Variants in PCDHGB1 observed in about 807,000 individuals in gnomAD.
PCDHGB1 encodes the protein protocadherin gamma-B1.
A neutral mutation model predicts 56.6 loss-of-function variants in PCDHGB1; 34 were observed. The ratio of observed to expected loss-of-function variants is 0.60; its 90% CI spans 0.46 to 0.80. The LOEUF (loss-of-function observed/expected upper bound fraction) is 0.80, where lower values mean the gene tolerates loss of function less well. Among genes scored for constraint, PCDHGB1 ranks in the 30% least tolerant of loss-of-function variants. The probability of loss-of-function intolerance (pLI) is 0.00; values close to 1 mark genes in which losing one functional copy is unlikely to be tolerated. For missense variants in PCDHGB1, 1,278 were observed against 1,204.6 expected, an observed-to-expected ratio of 1.06 and a Z score of -0.90; for synonymous variants, 561 against 505.9, an observed-to-expected ratio of 1.11 and a Z score of -1.46.
In PCDHGB1 at chr5:141,431,140, C is replaced by G. The variant is rs145692116; in HGVS notation, c.2410-63667C>G. The G allele has an allele frequency of 6.2e-7, 1 of 1,614,208 alleles. No individual in the cohort carries two copies. The highest frequency in any genetic ancestry group is 1.7e-5 in the Admixed American group (1 of 60,038). On this transcript the variant is annotated intron_variant, in intron 1 of 3. Transcript: ENST00000523390. This position sits in a 1 kb window ranked among gnomAD's most constrained non-coding sequence, Gnocchi z 4.8. The stretch of plus-strand genomic sequence containing the variant: ...TAGAAGTAGAAGTAAGGGACATTAA[C>G]GACAATGCGCCTTACTTTCGTGAAA...
chr5:141,433,767 G>T (rs1237334342), intron 1 of PCDHGB1, among the ~76,000 whole-genome samples: 1 of 151,532 alleles, frequency 6.6e-6, no homozygotes, highest in Non-Finnish European at 1.5e-5. Flanking sequence ...AACCTGGGAG[G>T]TGGAGGTTGC....
chr5:141,365,603 A>C (rs1198770505), intron 1 of PCDHGB1: 2 of 1,613,602 alleles, frequency 1.2e-6, no homozygotes, highest in Non-Finnish European at 1.7e-6. Flanking sequence ...TTTAACCGTC[A>C]TGGACCATGG....
rs762238827 is a variant in PCDHGB1 at position 141,487,202 on chromosome 5, C to T, written c.2410-7605C>T. ...CACTCATCCAGTTGTCCCAGATCTT[C>T]GAGAATCTTCAGCTCCAAGGGAAGG... On this transcript the variant is annotated intron_variant, in intron 1 of 3. Coordinates refer to ENST00000523390, the MANE Select transcript of PCDHGB1 (RefSeq NM_018922.3). This position sits in a 1 kb window ranked among gnomAD's most constrained non-coding sequence, Gnocchi z 5.0. 7 of 1,613,660 alleles carry T rather than the reference C, an allele frequency of 4.3e-6. No homozygotes were observed. The highest frequency in any genetic ancestry group is 1.7e-5 in the Admixed American group (1 of 59,992).
intron 1 of PCDHGB1, among the ~76,000 whole-genome samples, chr5:141,435,760 T>TTGGTGAATTC (rs2097778609): frequency 1.3e-5 from 2 of 152,172 alleles, no homozygotes; most frequent in African/African-American, 4.8e-5. Context: ...TTGATTTCTT[T>TTGGTGAATTC]TGGTGAATTC....
At chr5:141,427,972 C>T (rs1368719718) in intron 1 of PCDHGB1, 1 of 1,593,948 alleles carries the variant, frequency 6.3e-7, no homozygotes, top group South Asian at 1.1e-5. Flanking sequence ...GTGCTGTACC[C>T]CGCGCTGGGG....
intron 1 of PCDHGB1, chr5:141,356,448 A>G: frequency 6.2e-7 from 1 of 1,612,888 alleles, no homozygotes; most frequent in Non-Finnish European, 8.5e-7. Context: ...AAGAAGTCTC[A>G]GAATATAACA....
chr5:141,443,118 C>A (rs1474257262), intron 1 of PCDHGB1, among the ~76,000 whole-genome samples: 1 of 151,762 alleles, frequency 6.6e-6, no homozygotes, highest in Non-Finnish European at 1.5e-5. Flanking sequence ...GCTTTTCAAA[C>A]CAGATTAAGA....
At position 141,476,193 on chromosome 5, in the gene PCDHGB1, T is replaced by C. The variant is rs1224461188; in HGVS notation, c.2410-18614T>C. On this transcript the variant is annotated intron_variant, in intron 1 of 3. Coordinates refer to ENST00000523390, the MANE Select transcript of PCDHGB1 (RefSeq NM_018922.3). The surrounding 1 kb of genome is among the most constrained non-coding windows in gnomAD (Gnocchi z 7.6). The stretch of plus-strand genomic sequence containing the variant: ...GGAGTTTTGCTTCTGCTTGGTGCCT[T>C]GAACAAGGCTTCCACGGTCATTCAC... The C allele has an allele frequency of 6.2e-7, 1 of 1,613,812 alleles. No homozygotes were observed. Among genetic ancestry groups the C allele is most frequent in the South Asian group, 1.1e-5 (1 of 91,068 alleles).
At chr5:141,393,800 GA>G (rs1403705962) in intron 1 of PCDHGB1, 2 of 1,613,842 alleles carry the variant, frequency 1.2e-6, no homozygotes, top group Non-Finnish European at 1.7e-6. Flanking sequence ...CACTTCTGGG[GA>G]GGACCAAATT....
At chr5:141,435,805 T>C (rs2097780946) in intron 1 of PCDHGB1, among the ~76,000 whole-genome samples, 1 of 152,178 alleles carries the variant, frequency 6.6e-6, no homozygotes, top group African/African-American at 2.4e-5. Flanking sequence ...GTCCCAATTA[T>C]TTTTTCTTTC....
At chr5:141,492,063 C>T in intron 1 of PCDHGB1, 1 of 481,160 alleles carries the variant, frequency 2.1e-6, no homozygotes, top group African/African-American at 2.0e-5. Flanking sequence ...CAGCCAGCCT[C>T]CTAGGCGCCG....
chr5:141,415,247 C>G, intron 1 of PCDHGB1: 1 of 1,614,210 alleles, frequency 6.2e-7, no homozygotes. Context: ...TCTGAAACCT[C>G]AGACCTCACT....
chr5:141,375,701 C>T (rs768533909), intron 1 of PCDHGB1: 7 of 1,614,256 alleles, frequency 4.3e-6, no homozygotes, highest in South Asian at 1.1e-5. Context: ...CAGCGGGGAC[C>T]CGCCTCTTAG....
At position 141,355,048 on chromosome 5, in the gene PCDHGB1, G is replaced by T. The variant is rs1282069434; in HGVS notation, c.2409+2379G>T. 2.6e-6 allele frequency: 3 copies of T among 1,161,006 alleles called. No homozygotes were observed. The South Asian group carries it at 5.4e-5, about 21-fold the overall frequency. The allele number at this position is 1,161,006 out of a possible 1,614,324, so 71.9% of individuals were successfully genotyped here. A position where few individuals can be genotyped will look rare whatever the true frequency, so the allele number is the denominator to read the frequency against. On this transcript the variant is annotated intron_variant, in intron 1 of 3. Transcript: ENST00000523390. ...AATCACAAGATTTCTGCAGCACAAAGCACTGGCTCTGGAGCTTTATGAAAG... is the reference window on the plus strand; with the variant it reads ...AATCACAAGATTTCTGCAGCACAAATCACTGGCTCTGGAGCTTTATGAAAG...
intron 3 of PCDHGB1, chr5:141,508,363 A>G (rs996562348): frequency 1.3e-5 from 2 of 152,230 alleles, no homozygotes; most frequent in Non-Finnish European, 2.9e-5. Flanking sequence ...TGGCAATCCA[A>G]CTTCTTCCCC....
chr5:141,408,299 A>C, intron 1 of PCDHGB1: 1 of 1,613,662 alleles, frequency 6.2e-7, no homozygotes, highest in Non-Finnish European at 8.5e-7. Context: ...GAGTGAGCCG[A>C]TCCGCTACTC....
chr5:141,481,762 G>A (rs1378950651), intron 1 of PCDHGB1, among the ~76,000 whole-genome samples: 3 of 152,126 alleles, frequency 2.0e-5, no homozygotes, highest in African/African-American at 2.4e-5. Flanking sequence ...GACCAGCCTG[G>A]CCAACATGGT....
intron 1 of PCDHGB1, chr5:141,365,484 C>G: frequency 1.2e-6 from 2 of 1,613,994 alleles, no homozygotes; most frequent in Non-Finnish European, 1.7e-6. Flanking sequence ...ATTGCATGCT[C>G]TATTCCTAGG....
chr5:141,351,703 C>T lies in PCDHGB1; in HGVS notation c.1443C>T (p.Gly481=), dbSNP rs761376222. The T allele has an allele frequency of 7.4e-6, 12 of 1,613,832 alleles. No individual in the cohort carries two copies. Among genetic ancestry groups the T allele is most frequent in the Middle Eastern group, 1.6e-4 (1 of 6,082 alleles). Residue 481 remains glycine, a synonymous_variant, in exon 1 of 4, where the codon GGC becomes GGT. Coordinates refer to ENST00000523390, the MANE Select transcript of PCDHGB1 (RefSeq NM_018922.3). Reference sequence around the variant, plus strand: ...CCGACCCGGATTTGGGACCCAACGGCAGAGTCTCCTACTCTATTCTGGCCA... The same window carrying T: ...CCGACCCGGATTTGGGACCCAACGGTAGAGTCTCCTACTCTATTCTGGCCA... The part of the protein sequence containing the change: ...SASDPDLGPN[G]RVSYSILASD...
Sources: allele counts gnomAD v4.1 joint callset (sites outside exome capture counted in the v4.1 genomes callset), GRCh38; gene constraint gnomAD v4.1.1; non-coding constraint Gnocchi (gnomAD v3.1); transcripts MANE v1.5; gene names NCBI Gene and HGNC (gene_info 2026-07-23, HGNC 2026-07-21).